The following RGS22 variants were observed in gnomAD, a reference collection of about 807,000 sequenced individuals.
RGS22 encodes regulator of G-protein signaling 22.
RGS22 carries 148 observed loss-of-function variants against 172.9 expected under a neutral mutation model. The ratio of observed to expected loss-of-function variants is 0.86; its 90% CI spans 0.75 to 0.98. RGS22 has a LOEUF of 0.98. Ranked by LOEUF, RGS22 falls within the 50% of genes least tolerant of loss-of-function variation. RGS22 has a pLI of 0.00. For synonymous variants in RGS22, 458 were observed against 480.2 expected, an observed-to-expected ratio of 0.95 and a Z score of 0.60; for missense variants, 1,347 against 1,440.8, an observed-to-expected ratio of 0.93 and a Z score of 1.05.
chr8:99,991,898 T>A (rs978885111), intron 20 of RGS22, among the ~76,000 whole-genome samples: 9 of 152,258 alleles, frequency 5.9e-5, no homozygotes, highest in South Asian at 2.1e-4. Flanking sequence ...GGGAGGCCCA[T>A]CAGACTAACA....
chr8:100,083,817 C>T (rs895199900), intron 3 of RGS22, among the ~76,000 whole-genome samples: 4 of 149,218 alleles, frequency 2.7e-5, no homozygotes, highest in African/African-American at 7.4e-5. Flanking sequence ...GAACTGACCG[C>T]GTAATTTCTT....
At chr8:99,963,514 GT>G (rs1810423120) in intron 24 of RGS22, among the ~76,000 whole-genome samples, 1 of 152,132 alleles carries the variant, frequency 6.6e-6, no homozygotes, top group Admixed American at 6.5e-5. Flanking sequence ...ATTCTTCAAT[GT>G]GCAAAATCTA....
At chr8:100,053,000 A>G (rs1395107082) in intron 9 of RGS22, 24 bp from the exon 10 acceptor site, 3 of 1,601,588 alleles carry the variant, frequency 1.9e-6, no homozygotes, top group African/African-American at 2.7e-5. Flanking sequence ...AAATAAATGT[A>G]AGATTGAACT....
intron 23 of RGS22, 131 bp from the exon 24 acceptor site, chr8:99,965,561 A>T: frequency 1.8e-6 from 1 of 560,378 alleles, no homozygotes; most frequent in South Asian, 2.9e-5. Context: ...GGTTTCATCA[A>T]GTCAATATCA....
At chr8:99,963,624 C>CA (rs1563548916) in intron 24 of RGS22, among the ~76,000 whole-genome samples, 2 of 151,928 alleles carry the variant, frequency 1.3e-5, no homozygotes, top group Non-Finnish European at 1.5e-5. Context: ...TAAAAATCAA[C>CA]AAAAAATAAT....
chr8:99,965,220 G>A (rs1810599725), intron 24 of RGS22, 115 bp downstream of exon 24: 1 of 565,718 alleles, frequency 1.8e-6, no homozygotes, highest in Admixed American at 3.2e-5. Context: ...TATTATAATT[G>A]TAGGCTTATT....
rs1425784445 is a variant in RGS22, at chr8:100,051,629, ATATATT to A, written c.1689+1167_1689+1172del. 5.5e-4 allele frequency among the ~76,000 whole-genome samples: 27 copies of A among 49,036 alleles called. 5 individuals are homozygous for A. Among genetic ancestry groups the A allele is most frequent in the Admixed American group, 1.6e-3 (4 of 2,576 alleles). The allele number at this position is 49,036 out of a possible 152,430, so 32.2% of individuals were successfully genotyped here. A position where few individuals can be genotyped will look rare whatever the true frequency, so the allele number is the denominator to read the frequency against. ...TATATATGTTTATACATATATAAAT[ATATATT>A]TATATATGTTTATACATATATAAAT... On this transcript the variant is annotated intron_variant, in intron 10 of 27. Coordinates refer to ENST00000360863, the MANE Select transcript of RGS22 (RefSeq NM_015668.5).
intron 6 of RGS22, among the ~76,000 whole-genome samples, chr8:100,067,151 T>A (rs150104484): frequency 1.3e-5 from 2 of 152,248 alleles, no homozygotes; most frequent in African/African-American, 4.8e-5. Flanking sequence ...CAGCACTTAG[T>A]CTAAGAAACA....
chr8:100,092,351 A>G (rs1211608760), intron 3 of RGS22, among the ~76,000 whole-genome samples: 1 of 152,058 alleles, frequency 6.6e-6, no homozygotes, highest in African/African-American at 2.4e-5. Context: ...CTTTTCCCCA[A>G]TTCCTTAATG....
chr8:100,033,798 G>A (rs1819124579), intron 14 of RGS22, among the ~76,000 whole-genome samples: 1 of 152,160 alleles, frequency 6.6e-6, no homozygotes, highest in Non-Finnish European at 1.5e-5. Context: ...TGGCATGCAA[G>A]ACTGGTTCAA....
At chr8:100,015,637 C>T (rs1816868457) in intron 14 of RGS22, among the ~76,000 whole-genome samples, 1 of 152,118 alleles carries the variant, frequency 6.6e-6, no homozygotes, top group Admixed American at 6.5e-5. Flanking sequence ...TAATTTTTGA[C>T]TCTTCCCTGC....
At chr8:99,985,909 C>A (rs1467009766) in intron 21 of RGS22, among the ~76,000 whole-genome samples, 2 of 152,048 alleles carry the variant, frequency 1.3e-5, no homozygotes, top group African/African-American at 4.8e-5. Flanking sequence ...TTCCACCCAC[C>A]CATGATAAAA....
intron 19 of RGS22, 104 bp downstream of exon 19, chr8:99,999,158 T>TTA: frequency 2.3e-6 from 2 of 877,282 alleles, no homozygotes; most frequent in Non-Finnish European, 3.3e-6. Context: ...GCCCATTCCT[T>TTA]AAAAAAAAAA....
At position 100,051,937 on chromosome 8, in the gene RGS22, T is replaced by TTATATATTTATATATAAATGTTTA. The variant is rs1563672135; in HGVS notation, c.1689+841_1689+864dup. Among the ~76,000 whole-genome samples, 57 of 47,552 alleles carry TTATATATTTATATATAAATGTTTA rather than the reference T, an allele frequency of 1.2e-3. 11 individuals are homozygous for TTATATATTTATATATAAATGTTTA. The highest frequency in any genetic ancestry group is 2.5e-3 in the South Asian group (3 of 1,180). 31.2% of individuals were successfully genotyped at this position (47,552 alleles called of 152,430 possible). A position where few individuals can be genotyped will look rare whatever the true frequency, so the allele number is the denominator to read the frequency against. ...TTTATATATAAATGTTTATATATAT[T>TTATATATTTATATATAAATGTTTA]TATATATTTATATATAAATGTTTAT... On this transcript the variant is annotated intron_variant, in intron 10 of 27. Transcript: ENST00000360863.
chr8:100,008,396 C>T lies in RGS22; in HGVS notation c.2340G>A (p.Ser780=), dbSNP rs769406918. 3.1e-6 allele frequency: 5 copies of T among 1,609,454 alleles called. No homozygotes were observed. The African/African-American group carries it at 4.0e-5, about 13-fold the overall frequency. ...GTACCTTTTTATAAGCAATTTGGTC[C>T]GATTTTACCATCTTTGTCCATGGCT... The part of the protein sequence containing the change: ...LLEPWTKMVK[S]DQIAYKKVEL... The change falls in exon 15 of 28, where the codon TCG becomes TCA. Residue 780 remains serine, a synonymous_variant. Transcript: ENST00000360863.
chr8:100,077,354 TC>T (rs1307418721), intron 4 of RGS22, among the ~76,000 whole-genome samples: 2 of 152,198 alleles, frequency 1.3e-5, no homozygotes, highest in Non-Finnish European at 2.9e-5. Flanking sequence ...TTTAGTCTTC[TC>T]TATTATAAGC....
intron 14 of RGS22, among the ~76,000 whole-genome samples, chr8:100,035,139 G>T (rs1819299810): frequency 6.6e-6 from 1 of 152,090 alleles, no homozygotes; most frequent in Admixed American, 6.5e-5. Flanking sequence ...TTTCTGCATG[G>T]CAAAAGAAAC....
chr8:100,089,203 C>T (rs1812377994), intron 3 of RGS22, among the ~76,000 whole-genome samples: 2 of 148,508 alleles, frequency 1.3e-5, no homozygotes, highest in African/African-American at 5.2e-5. Flanking sequence ...GAGATACACA[C>T]ACACACAAAC....
chr8:100,028,332 A>C (rs997571914), intron 14 of RGS22, among the ~76,000 whole-genome samples: 43 of 152,058 alleles, frequency 2.8e-4, no homozygotes, highest in African/African-American at 9.7e-4. Flanking sequence ...TTTTCAGGTA[A>C]TCTAGGCTGC....
Sources: allele counts gnomAD v4.1 joint callset (sites outside exome capture counted in the v4.1 genomes callset), GRCh38; gene constraint gnomAD v4.1.1; transcripts MANE v1.5; gene names NCBI Gene and HGNC (gene_info 2026-07-23, HGNC 2026-07-21).